Variants in SCUBE2 observed in about 807,000 individuals in gnomAD.
SCUBE2 encodes signal peptide, CUB domain and EGF like domain containing 2.
Under a neutral mutation model 125.9 loss-of-function variants are expected in SCUBE2, and 114 were observed. The observed-to-expected ratio is 0.91, with a 90% CI of 0.78 to 1.06. The LOEUF is 1.06. Ranked by LOEUF, SCUBE2 falls within the 50% of genes least tolerant of loss-of-function variation. The pLI is 0.00. For missense variants in SCUBE2, 1,255 were observed against 1,301.8 expected (o/e 0.96, Z 0.55); for synonymous variants, 459 against 492.9 (o/e 0.93, Z 0.91).
intron 15 of SCUBE2, 131 bp from the exon 16 acceptor site, chr11:9,047,693 G>T (rs1003488654): frequency 1.0e-6 from 1 of 986,768 alleles, no homozygotes; most frequent in Non-Finnish European, 1.5e-6. Context: ...CCTGGAGGGG[G>T]CACCTAGCAG....
intron 15 of SCUBE2, 122 bp from the exon 16 acceptor site, chr11:9,047,684 C>T (rs1327933822): frequency 1.9e-6 from 2 of 1,044,804 alleles, no homozygotes; most frequent in African/African-American, 3.2e-5. Context: ...GGGGAGAAAC[C>T]TGGAGGGGGC....
At chr11:9,054,725 A>ATTTTTTTTT (rs1174774188) in intron 10 of SCUBE2, among the ~76,000 whole-genome samples, 3 of 22,348 alleles carry the variant, frequency 1.3e-4, no homozygotes, top group Admixed American at 7.5e-4. Flanking sequence ...ATATATATAT[A>ATTTTTTTTT]TTTTTTTTTT....
chr11:9,071,054 G>A (rs895846691), intron 4 of SCUBE2, among the ~76,000 whole-genome samples: 6 of 152,218 alleles, frequency 3.9e-5, no homozygotes, highest in South Asian at 2.1e-4. Flanking sequence ...CTGAGATGGC[G>A]CGGGAGGTGA....
At chr11:9,051,317 A>G (rs1858391009) in intron 13 of SCUBE2, among the ~76,000 whole-genome samples, 1 of 152,156 alleles carries the variant, frequency 6.6e-6, no homozygotes. Context: ...GAAATAGAAC[A>G]TGAAGTCATT....
At position 9,047,977 on chromosome 11, in the gene SCUBE2, C is replaced by T. The variant is rs1447465282; in HGVS notation, c.1761G>A (p.Glu587=). The change falls in exon 15 of 23, where the codon GAG becomes GAA. Residue 587 remains glutamate, a synonymous_variant. Coordinates refer to ENST00000649792, the MANE Select transcript of SCUBE2 (RefSeq NM_001367977.2). ...STPKEMFITV[E]FELETNQKEV... Reference sequence around the variant, plus strand: ...CCTTTTGGTTAGTTTCAAGCTCAAACTCAACAGTGATAAACATTTCCTTAG... The same window carrying T: ...CCTTTTGGTTAGTTTCAAGCTCAAATTCAACAGTGATAAACATTTCCTTAG... The T allele has an allele frequency of 3.1e-6, 5 of 1,613,786 alleles. No homozygotes were observed. Among genetic ancestry groups the T allele is most frequent in the Non-Finnish European group, 3.4e-6 (4 of 1,179,948 alleles).
chr11:9,051,293 A>G (rs1352331318), intron 13 of SCUBE2, among the ~76,000 whole-genome samples: 1 of 152,092 alleles, frequency 6.6e-6, no homozygotes, highest in African/African-American at 2.4e-5. Context: ...AGGGTCAAAA[A>G]TAGCCTCCAC....
chr11:9,037,360 C>G (rs1856829001), intron 16 of SCUBE2, among the ~76,000 whole-genome samples: 1 of 152,192 alleles, frequency 6.6e-6, no homozygotes, highest in Non-Finnish European at 1.5e-5. Flanking sequence ...TACGAGAAAG[C>G]TTTTCTGATG....
chr11:9,027,674 A>C, intron 19 of SCUBE2, 113 bp from the exon 20 acceptor site: 1 of 849,450 alleles, frequency 1.2e-6, no homozygotes, highest in Non-Finnish European at 1.8e-6. Context: ...TGGGGCATGA[A>C]AATGACACCA....
intron 14 of SCUBE2, 131 bp from the exon 15 acceptor site, chr11:9,048,229 A>T: frequency 1.2e-6 from 1 of 836,904 alleles, no homozygotes; most frequent in Non-Finnish European, 1.8e-6. Context: ...AGATGCCAAG[A>T]CACTGCAAGC....
intron 16 of SCUBE2, 139 bp downstream of exon 16, chr11:9,047,217 C>T: frequency 1.2e-6 from 1 of 839,050 alleles, no homozygotes; most frequent in Middle Eastern, 3.1e-4. Context: ...GCAACAGTTA[C>T]TGAAACAGAA....
At chr11:9,061,573 A>C (rs1292644387) in intron 7 of SCUBE2, among the ~76,000 whole-genome samples, 1 of 97,960 alleles carries the variant, frequency 1.0e-5, no homozygotes, top group African/African-American at 3.4e-5. Flanking sequence ...AAAGAAAAGA[A>C]AAAAAAAAAA....
intron 16 of SCUBE2, 53 bp from the exon 17 acceptor site, chr11:9,033,849 A>T (rs1458238728): frequency 1.3e-6 from 2 of 1,585,454 alleles, no homozygotes; most frequent in African/African-American, 1.3e-5. Context: ...CCAAGGAAGG[A>T]TGATGTGAGT....
intron 2 of SCUBE2, among the ~76,000 whole-genome samples, chr11:9,080,648 C>CA (rs111895309): frequency 0.049 from 5,932 of 121,004 alleles, 358 homozygotes; most frequent in African/African-American, 0.16. Context: ...GACCCTATCT[C>CA]AAAAAAAAAA....
chr11:9,019,513 AT>A lies in SCUBE2; in HGVS notation c.*1531del, dbSNP rs139208814. 1.5e-4 allele frequency among the ~76,000 whole-genome samples: 22 copies of A among 149,804 alleles called. No homozygotes were observed. Among genetic ancestry groups the A allele is most frequent in the Non-Finnish European group, 2.5e-4 (17 of 67,446 alleles). Reference sequence around the variant, plus strand: ...AAGTCCAAGTGCTTGTTTTAATGCTATTTTTTTTTTAATGATGATGTTCAAA... The same window carrying A: ...AAGTCCAAGTGCTTGTTTTAATGCTATTTTTTTTTAATGATGATGTTCAAA... On this transcript the variant is annotated 3_prime_UTR_variant, in exon 23 of 23. Transcript: ENST00000649792.
At chr11:9,054,697 T>TAC (rs1327991169) in intron 10 of SCUBE2, among the ~76,000 whole-genome samples, 68 of 81,342 alleles carry the variant, frequency 8.4e-4, no homozygotes, top group Non-Finnish European at 1.2e-3. Flanking sequence ...AGCAAAGCAC[T>TAC]AGTGTATATA....
At chr11:9,066,174 A>C (rs926204795) in intron 6 of SCUBE2, among the ~76,000 whole-genome samples, 194 bp from the exon 7 acceptor site, 4 of 152,228 alleles carry the variant, frequency 2.6e-5, no homozygotes, top group African/African-American at 9.6e-5. Context: ...TCCTTAGCAA[A>C]CATTAAACAT....
rs1257515622 is a variant in SCUBE2 at position 9,027,538 on chromosome 11, C to T, written c.2527G>A (p.Gly843Arg). The T allele has an allele frequency of 1.9e-6, 3 of 1,613,754 alleles. No individual in the cohort carries two copies. Among genetic ancestry groups the T allele is most frequent in the Admixed American group, 3.3e-5 (2 of 59,990 alleles). Residue 843 changes from glycine to arginine, a missense_variant, in exon 20 of 23, where the codon GGA (glycine) becomes AGA (arginine). This residue lies in a region of SCUBE2 where 515 missense variants were observed against 515.7 expected (regional missense o/e 1.00). Coordinates refer to ENST00000649792, the MANE Select transcript of SCUBE2 (RefSeq NM_001367977.2). ...GATTCAATGTACCCAGTGAAATCTC[C>T]CAGCTCCCCTCCACATCTTCTGTCT... ...CKNRRCGGEL[G>R]DFTGYIESPN...
chr11:9,091,193 G>A lies in SCUBE2; in HGVS notation c.133+203C>T, dbSNP rs754592933. On this transcript the variant is annotated intron_variant, in intron 1 of 22. Transcript: ENST00000649792. The surrounding 1 kb of genome is among the most constrained non-coding windows in gnomAD (Gnocchi z 8.5). ...CGTCAGCAGCTCCGGGTCCGAGGCC[G>A]GGCCGAAGGACTCAGGGCCCCAGCG... 7.1e-4 allele frequency among the ~76,000 whole-genome samples: 108 copies of A among 152,148 alleles called. No homozygotes were observed. The highest frequency in any genetic ancestry group is 9.9e-4 in the Non-Finnish European group (67 of 67,974).
At chr11:9,045,605 A>G (rs1857633967) in intron 16 of SCUBE2, among the ~76,000 whole-genome samples, 1 of 65,608 alleles carries the variant, frequency 1.5e-5, no homozygotes, top group African/African-American at 4.0e-5. Flanking sequence ...GAAGACAGAC[A>G]GACAGACACA....
Sources: gnomAD v4.1 joint callset for allele counts (sites outside exome capture counted in the v4.1 genomes callset) on GRCh38, gnomAD v4.1.1 for gene constraint, gnomAD v4.1.1 regional missense constraint, Gnocchi (gnomAD v3.1) non-coding constraint, MANE v1.5 for transcripts, NCBI Gene and HGNC (gene_info 2026-07-23, HGNC 2026-07-21) for gene names.